The following ANKRD28 variants were observed in gnomAD, a reference collection of about 807,000 sequenced individuals.
The protein encoded by ANKRD28 is ankyrin repeat domain 28.
Under a neutral mutation model 126.5 loss-of-function variants are expected in ANKRD28, and 44 were observed. That is an observed-to-expected ratio of 0.35 (90% confidence interval 0.27 to 0.45). ANKRD28 has a LOEUF of 0.45. Among genes scored for constraint, ANKRD28 ranks in the 20% least tolerant of loss-of-function variants. The pLI is 1.00. For missense variants in ANKRD28, 1,110 were observed against 1,316.6 expected (o/e 0.84, Z 2.43); for synonymous variants, 442 against 468.5 (o/e 0.94, Z 0.73).
chr3:15,714,715 T>G, intron 8 of ANKRD28, 59 bp from the exon 9 acceptor site: 1 of 1,232,300 alleles, frequency 8.1e-7, no homozygotes, highest in Non-Finnish European at 1.1e-6. Context: ...TAAACCTTAG[T>G]TTTACTTTGA....
chr3:15,857,505 G>C (rs1038588767), intron 1 of ANKRD28, among the ~76,000 whole-genome samples: 3 of 152,208 alleles, frequency 2.0e-5, no homozygotes, highest in Non-Finnish European at 2.9e-5. Context: ...GGCTGGTCTT[G>C]AACTCCTAAC....
At chr3:15,807,985 A>G (rs1354849873) in intron 1 of ANKRD28, among the ~76,000 whole-genome samples, 1 of 152,222 alleles carries the variant, frequency 6.6e-6, no homozygotes, top group Non-Finnish European at 1.5e-5. Context: ...CTTTATGTAC[A>G]TTCACTTAAT....
chr3:15,672,738 C>G (rs546967856), intron 27 of ANKRD28, among the ~76,000 whole-genome samples: 24 of 152,226 alleles, frequency 1.6e-4, no homozygotes, highest in African/African-American at 4.1e-4. Context: ...GGTGTGTTTT[C>G]TAGTCAGAAT....
At chr3:15,761,005 TGAA>T (rs1169231888) in intron 3 of ANKRD28, among the ~76,000 whole-genome samples, 1 of 152,150 alleles carries the variant, frequency 6.6e-6, no homozygotes, top group African/African-American at 2.4e-5. Context: ...ACCTGAAATA[TGAA>T]CACAGAAGGA....
chr3:15,696,287 G>A (rs1472105649), intron 14 of ANKRD28, 42 bp from the exon 15 acceptor site: 7 of 1,258,816 alleles, frequency 5.6e-6, no homozygotes, highest in Non-Finnish European at 7.8e-6. Context: ...CCTAAATCCT[G>A]CATATTAACC....
intron 4 of ANKRD28, among the ~76,000 whole-genome samples, chr3:15,739,825 A>G (rs1245375773): frequency 6.6e-6 from 1 of 152,246 alleles, no homozygotes; most frequent in Admixed American, 6.5e-5. Flanking sequence ...GGATGGCAAA[A>G]GACTGAAGAA....
chr3:15,838,160 T>A lies in ANKRD28; in HGVS notation c.27+21217A>T, dbSNP rs1046346034. On this transcript the variant is annotated intron_variant, in intron 1 of 27. Transcript: ENST00000399451. The surrounding 1 kb of genome is among the most constrained non-coding windows in gnomAD (Gnocchi z 4.0). ...CCACAAAGAAAAGCCTTGGCCCACA[T>A]AGTTTCTTTCACTGGTGAATTTTAC... 1.5e-4 allele frequency among the ~76,000 whole-genome samples: 23 copies of A among 152,180 alleles called. 1 individual carries two copies. The highest frequency in any genetic ancestry group is 1.5e-3 in the Admixed American group (23 of 15,288).
chr3:15,701,007 A>C (rs1297576624), intron 14 of ANKRD28, among the ~76,000 whole-genome samples: 1 of 152,192 alleles, frequency 6.6e-6, no homozygotes, highest in African/African-American at 2.4e-5. Context: ...AAATACGTCT[A>C]CCCAAATATT....
rs778611448 is a variant in ANKRD28 at position 15,814,245 on chromosome 3, T to C, written c.28-18939A>G. The C allele has an allele frequency of 1.4e-4, 177 of 1,248,078 alleles. No homozygotes were observed. In the South Asian group the frequency reaches 1.8e-3, roughly 13 times the overall value. The allele number at this position is 1,248,078 out of a possible 1,614,324, so 77.3% of individuals were successfully genotyped here. On this transcript the variant is annotated intron_variant, in intron 1 of 27. Transcript: ENST00000399451. This position sits in a 1 kb window ranked among gnomAD's most constrained non-coding sequence, Gnocchi z 4.7. ...ACTACTAGAAAATAACCTACCATAA[T>C]AGGAATTCCCATACTATTTTCCTCT...
chr3:15,784,684 G>A (rs1157303328), intron 2 of ANKRD28, among the ~76,000 whole-genome samples: 1 of 151,898 alleles, frequency 6.6e-6, no homozygotes, highest in Non-Finnish European at 1.5e-5. Flanking sequence ...AATGTCAATG[G>A]TCTAAAAACA....
At chr3:15,781,491 T>A (rs1402854952) in intron 2 of ANKRD28, 1 of 152,130 alleles carries the variant, frequency 6.6e-6, no homozygotes, top group East Asian at 1.9e-4. Context: ...ACCAAAATAT[T>A]ACATTGTACT....
intron 4 of ANKRD28, among the ~76,000 whole-genome samples, chr3:15,748,520 C>T (rs2057635681): frequency 6.6e-6 from 1 of 152,186 alleles, no homozygotes; most frequent in African/African-American, 2.4e-5. Context: ...AAATAGAACC[C>T]CAATCCCTTC....
At chr3:15,858,382 T>C (rs1297638808) in intron 1 of ANKRD28, among the ~76,000 whole-genome samples, 1 of 152,234 alleles carries the variant, frequency 6.6e-6, no homozygotes, top group Non-Finnish European at 1.5e-5. Flanking sequence ...AATTCACTTA[T>C]GAAATGAGAA....
Position 15,854,695 on chromosome 3 carries a change from G to A in ANKRD28, c.27+4682C>T, listed in dbSNP as rs1399242505. ...GTGTTTTTTTTTTCCCCTCTTCTAA[G>A]ATCTGTAAGGGTAGAGATGGTAGCT... On this transcript the variant is annotated intron_variant, in intron 1 of 27. Transcript: ENST00000399451. This position sits in a 1 kb window ranked among gnomAD's most constrained non-coding sequence, Gnocchi z 4.1. Among the ~76,000 whole-genome samples, 1 of 151,500 alleles carries A rather than the reference G, an allele frequency of 6.6e-6. No individual in the cohort carries two copies. The highest frequency in any genetic ancestry group is 1.5e-5 in the Non-Finnish European group (1 of 67,920).
At chr3:15,750,016 T>A (rs1275146938) in intron 4 of ANKRD28, among the ~76,000 whole-genome samples, 1 of 152,252 alleles carries the variant, frequency 6.6e-6, no homozygotes, top group Non-Finnish European at 1.5e-5. Flanking sequence ...ATTTGCTTTC[T>A]AACCTACAAC....
chr3:15,859,554 AG>A, exon 1 of ANKRD28: 3 of 464,796 alleles, frequency 6.5e-6, no homozygotes, highest in Non-Finnish European at 6.1e-6. Context: ...ACCTGCGGGC[AG>A]GGGGCGGCGC....
chr3:15,691,151 T>C (rs1575169395), intron 17 of ANKRD28, among the ~76,000 whole-genome samples: 1 of 145,766 alleles, frequency 6.9e-6, no homozygotes, highest in Non-Finnish European at 1.5e-5. Flanking sequence ...TGAGACGGAG[T>C]CTCACTCTGT....
chr3:15,668,790 T>C lies in ANKRD28; in HGVS notation c.*1480A>G, dbSNP rs754467357. The C allele has an allele frequency of 6.6e-5, 10 of 152,658 alleles. No homozygotes were observed. The highest frequency in any genetic ancestry group is 1.0e-4 in the Non-Finnish European group (7 of 68,036). 9.5% of individuals were successfully genotyped at this position (152,658 alleles called of 1,614,324 possible). On this transcript the variant is annotated 3_prime_UTR_variant, in exon 28 of 28. Transcript: ENST00000683139. The stretch of plus-strand genomic sequence containing the variant: ...TACTGTTCTGTGTTTTCACACTTTA[T>C]ATTCAGAAAAACCAGCTGATAATTT...
At chr3:15,685,097 G>C in intron 21 of ANKRD28, 129 bp downstream of exon 21, 1 of 858,636 alleles carries the variant, frequency 1.2e-6, no homozygotes, top group Non-Finnish European at 1.8e-6. Flanking sequence ...TTATTAGTAC[G>C]TGAGCCTATA....
Sources: allele counts gnomAD v4.1 joint callset (sites outside exome capture counted in the v4.1 genomes callset), GRCh38; gene constraint gnomAD v4.1.1; non-coding constraint Gnocchi (gnomAD v3.1); transcripts MANE v1.5; gene names NCBI Gene and HGNC (gene_info 2026-07-23, HGNC 2026-07-21).